LRRC41: variants seen among roughly 807,000 people sequenced by gnomAD.
LRRC41 encodes the protein leucine-rich repeat-containing protein 41.
LRRC41 carries 17 observed loss-of-function variants against 72.1 expected under a neutral mutation model. That is an observed-to-expected ratio of 0.24 (90% CI 0.16 to 0.35). The LOEUF (loss-of-function observed/expected upper bound fraction) is 0.35. Among genes scored for constraint, LRRC41 ranks in the 10% least tolerant of loss-of-function variants. The pLI, the probability that LRRC41 is intolerant of heterozygous loss-of-function variation, is 1.00. For missense variants in LRRC41, 759 were observed against 1,065.0 expected (o/e 0.71, Z 4.00); for synonymous variants, 427 against 431.0 (o/e 0.99, Z 0.11).
Position 46,277,684 on chromosome 1 carries a change from C to A in LRRC41, c.*1181G>T. 2 of 1,030,810 alleles carry A rather than the reference C, an allele frequency of 1.9e-6. No homozygotes were observed. The highest frequency in any genetic ancestry group is 3.0e-6 in the Non-Finnish European group (2 of 676,596). The allele number at this position is 1,030,810 out of a possible 1,614,324, so 63.9% of individuals were successfully genotyped here. On this transcript the variant is annotated 3_prime_UTR_variant, in exon 10 of 10. Coordinates refer to ENST00000617190, the MANE Select transcript of LRRC41 (RefSeq NM_006369.5). ...ACCTCAGCTGAGTAGAGATAATGTT[C>A]TGGGACTCATACTTTTTATTCATCT...
At chr1:46,280,369 C>A in intron 6 of LRRC41, 27 bp downstream of exon 6, 1 of 1,614,162 alleles carries the variant, frequency 6.2e-7, no homozygotes. Flanking sequence ...CTACTCCTCT[C>A]CCTTCACCAT....
Position 46,302,775 on chromosome 1 carries a change from CGA to C in LRRC41, c.199+347_199+348del, listed in dbSNP as rs1661270421. The C allele has an allele frequency of 1.0e-6, 1 of 985,308 alleles. No homozygotes were observed. Among genetic ancestry groups the C allele is most frequent in the East Asian group, 1.1e-4 (1 of 8,778 alleles). 61.0% of individuals were successfully genotyped at this position (985,308 alleles called of 1,614,324 possible). Reference sequence around the variant, plus strand: ...CATCGCTGCCCACCGGTTCGACATCCGAGACTCTCCTGCCCGGCCCAGCCGAG... The same window carrying C: ...CATCGCTGCCCACCGGTTCGACATCCGACTCTCCTGCCCGGCCCAGCCGAG... On this transcript the variant is annotated intron_variant, in intron 1 of 9. Coordinates refer to ENST00000617190, the MANE Select transcript of LRRC41 (RefSeq NM_006369.5). This position sits in a 1 kb window ranked among gnomAD's most constrained non-coding sequence, Gnocchi z 4.7.
rs774215174 is a variant in LRRC41 at position 46,285,791 on chromosome 1, G to A, written c.1066C>T (p.Arg356Trp). 2.5e-6 allele frequency: 4 copies of A among 1,594,274 alleles called. No homozygotes were observed. The highest frequency in any genetic ancestry group is 1.3e-5 in the African/African-American group (1 of 74,170). ...ATSHEAPGTK[R>W]SPSAPAATSS... The stretch of plus-strand genomic sequence containing the variant: ...GTGGCTGCTGGAGCAGAAGGTGACC[G>A]CTTGGTGCCAGGAGCCTCATGGGAG... The change falls in exon 4 of 10, where the codon CGG becomes TGG. Residue 356 changes from arginine (R) to tryptophan (W), a missense_variant. Around this residue, in one of 4 missense-constraint regions of LRRC41, gnomAD observed 427 missense variants for 520.9 expected, o/e 0.82. Coordinates refer to ENST00000617190, the MANE Select transcript of LRRC41 (RefSeq NM_006369.5). This position sits in a 1 kb window ranked among gnomAD's most constrained non-coding sequence, Gnocchi z 5.3.
At chr1:46,300,930 A>G (rs1661209033) in intron 1 of LRRC41, 1 of 152,408 alleles carries the variant, frequency 6.6e-6, no homozygotes, top group Non-Finnish European at 1.5e-5. Flanking sequence ...GTCTAGGCCC[A>G]CAGGAGCTCT....
At chr1:46,289,858 CAA>C (rs1660969566) in intron 3 of LRRC41, among the ~76,000 whole-genome samples, 1 of 152,130 alleles carries the variant, frequency 6.6e-6, no homozygotes, top group African/African-American at 2.4e-5. Context: ...TATCACGATG[CAA>C]AGTGATTTAG....
At chr1:46,299,174 A>G (rs1388628129) in intron 1 of LRRC41, 1 of 152,196 alleles carries the variant, frequency 6.6e-6, no homozygotes, top group Non-Finnish European at 1.5e-5. Context: ...GAGTAGGACA[A>G]ATCTGAGTGC....
At chr1:46,300,347 G>A (rs531636871) in intron 1 of LRRC41, 1 of 152,190 alleles carries the variant, frequency 6.6e-6, no homozygotes, top group South Asian at 2.1e-4. Flanking sequence ...AAAAGAACAA[G>A]TCTAAGATCT....
intron 1 of LRRC41, chr1:46,300,825 T>C (rs1158550721): frequency 6.6e-6 from 1 of 152,342 alleles, no homozygotes; most frequent in African/African-American, 2.4e-5. Flanking sequence ...TCCTGGCTGT[T>C]AGCCCACACA....
At chr1:46,297,710 TGG>T in intron 2 of LRRC41, 77 bp from the exon 3 acceptor site, 1 of 1,097,264 alleles carries the variant, frequency 9.1e-7, no homozygotes, top group South Asian at 1.3e-5. Context: ...TGTTGTCTTC[TGG>T]GTTCACAGGA....
chr1:46,281,536 A>G, intron 4 of LRRC41, 151 bp from the exon 5 acceptor site: 1 of 767,488 alleles, frequency 1.3e-6, no homozygotes, highest in Non-Finnish European at 2.1e-6. Flanking sequence ...CTACTCATCC[A>G]TGTCTTGCTT....
rs1660730824 is a variant in LRRC41, at chr1:46,279,802, C to T, written c.2021-188G>A. On this transcript the variant is annotated intron_variant, in intron 7 of 9. Transcript: ENST00000617190. The surrounding 1 kb of genome is among the most constrained non-coding windows in gnomAD (Gnocchi z 4.5). ...AACTAAAGACTGAACCTAAATGTTC[C>T]CTATAAGAAGGTTCTCTGCATGGAC... Among the ~76,000 whole-genome samples, 1 of 152,134 alleles carries T rather than the reference C, an allele frequency of 6.6e-6. No homozygotes were observed. The highest frequency in any genetic ancestry group is 1.5e-5 in the Non-Finnish European group (1 of 68,024).
Position 46,280,170 on chromosome 1 carries a change from A to C in LRRC41, c.2020+22T>G. The C allele has an allele frequency of 3.8e-6, 6 of 1,577,338 alleles. No individual in the cohort carries two copies. The East Asian group carries it at 1.3e-4, about 35-fold the overall frequency. ...CATAGTGAAGACCCAGGAAATGTCC[A>C]GGTTCTGAATAAGGAACTTACCTTG... On this transcript the variant is annotated intron_variant, in intron 7 of 9. Transcript: ENST00000617190.
chr1:46,302,994 C>T lies in LRRC41; in HGVS notation c.199+130G>A. On this transcript the variant is annotated intron_variant, in intron 1 of 9. Transcript: ENST00000617190. The surrounding 1 kb of genome is among the most constrained non-coding windows in gnomAD (Gnocchi z 4.7). Reference sequence around the variant, plus strand: ...TCAGTCACAAAATTCATTCTCCGATCCTACGAGCTGGCTTTCAGCGCCCCA... The same window carrying T: ...TCAGTCACAAAATTCATTCTCCGATTCTACGAGCTGGCTTTCAGCGCCCCA... The T allele has an allele frequency of 7.6e-7, 1 of 1,313,354 alleles. No individual in the cohort carries two copies. Among genetic ancestry groups the T allele is most frequent in the Non-Finnish European group, 9.7e-7 (1 of 1,034,836 alleles). 81.4% of individuals were successfully genotyped at this position (1,313,354 alleles called of 1,614,324 possible).
chr1:46,280,069 T>TC, intron 7 of LRRC41, 123 bp downstream of exon 7: 1 of 722,664 alleles, frequency 1.4e-6, no homozygotes, highest in South Asian at 1.7e-5. Context: ...TCATGCAGGT[T>TC]CTATATCCAT....
At chr1:46,287,362 C>A (rs1332845001) in intron 3 of LRRC41, among the ~76,000 whole-genome samples, 1 of 152,180 alleles carries the variant, frequency 6.6e-6, no homozygotes, top group African/African-American at 2.4e-5. Flanking sequence ...CCCGCCTCGG[C>A]CTCCCAAAGT....
intron 3 of LRRC41, among the ~76,000 whole-genome samples, chr1:46,291,552 GT>G (rs1219656700): frequency 2.9e-3 from 243 of 84,934 alleles, no homozygotes; most frequent in African/African-American, 6.3e-3. Flanking sequence ...GCCCCAGCTG[GT>G]TTTTTTTTTT....
Position 46,286,215 on chromosome 1 carries a change from A to G in LRRC41, c.642T>C (p.Leu214=). 6.2e-7 allele frequency: 1 copy of G among 1,614,264 alleles called. No individual in the cohort carries two copies. Among genetic ancestry groups the G allele is most frequent in the Admixed American group, 1.7e-5 (1 of 60,030 alleles). The change falls in exon 4 of 10, where the codon CTT becomes CTC. Residue 214 remains leucine, a synonymous_variant. Coordinates refer to ENST00000617190, the MANE Select transcript of LRRC41 (RefSeq NM_006369.5). The surrounding 1 kb of genome is among the most constrained non-coding windows in gnomAD (Gnocchi z 5.5). ...LFSDVAAQQS[L]RQLLHQLIHH... ...GAATGAGCTGATGCAACAGCTGCCG[A>G]AGTGACTGCTGAGCAGCCACATCAG...
intron 3 of LRRC41, among the ~76,000 whole-genome samples, chr1:46,292,072 G>C (rs1569655423): frequency 6.6e-6 from 1 of 151,902 alleles, no homozygotes; most frequent in African/African-American, 2.4e-5. Context: ...CCAGCACTTT[G>C]GGAGGCCAAG....
Position 46,302,511 on chromosome 1 carries a change from AG to A in LRRC41, c.199+612del, listed in dbSNP as rs1661261327. The A allele has an allele frequency of 1.0e-6, 1 of 984,890 alleles. No homozygotes were observed. Among genetic ancestry groups the A allele is most frequent in the African/African-American group, 1.8e-5 (1 of 57,084 alleles). 61.0% of individuals were successfully genotyped at this position (984,890 alleles called of 1,614,324 possible). A position where few individuals can be genotyped will look rare whatever the true frequency, so the allele number is the denominator to read the frequency against. ...TCCCGTCAGCCCTGGGCCGTCAGAC[AG>A]GCCGCGGCGCCCCGACCCTTTCGTT... is the stretch of plus-strand genomic sequence containing the variant. On this transcript the variant is annotated intron_variant, in intron 1 of 9. Transcript: ENST00000617190. This position sits in a 1 kb window ranked among gnomAD's most constrained non-coding sequence, Gnocchi z 4.7.
Sources: gnomAD v4.1 joint callset for allele counts (sites outside exome capture counted in the v4.1 genomes callset) on GRCh38, gnomAD v4.1.1 for gene constraint, gnomAD v4.1.1 regional missense constraint, Gnocchi (gnomAD v3.1) non-coding constraint, MANE v1.5 for transcripts, NCBI Gene and HGNC (gene_info 2026-07-23, HGNC 2026-07-21) for gene names.